The following CFAP47 variants were observed in gnomAD, a reference collection of about 807,000 sequenced individuals.
CFAP47 encodes cilia and flagella associated protein 47, also known as cilia- and flagella-associated protein 47.
A neutral mutation model predicts 148.1 loss-of-function variants in CFAP47; 29 were observed. That is an observed-to-expected ratio of 0.20 (90% CI 0.15 to 0.27). CFAP47 has a LOEUF of 0.27. CFAP47 is among the 10% of genes least tolerant of loss of function. The probability of loss-of-function intolerance (pLI) is 1.00; values close to 1 mark genes in which losing one functional copy is unlikely to be tolerated. For synonymous variants in CFAP47, 664 were observed against 577.3 expected (o/e 1.15, Z -2.15); for missense variants, 1,872 against 1,697.5 (o/e 1.10, Z -1.81).
chrX:36,085,562 T>C, intron 30 of CFAP47, 24 bp downstream of exon 30: 1 of 986,469 alleles, frequency 1.0e-6, no homozygotes. Context: ...TGTGCTCATA[T>C]AAGCATATAA....
At chrX:36,049,164 G>T (rs1017537105) in intron 26 of CFAP47, among the ~76,000 whole-genome samples, 56 of 109,442 alleles carry the variant, frequency 5.1e-4, no homozygotes, top group African/African-American at 1.6e-3. Context: ...GAGAAGTGGG[G>T]TTTTTTTTCT....
chrX:36,270,120 C>T (rs1010480541), intron 49 of CFAP47, among the ~76,000 whole-genome samples: 1 of 111,515 alleles, frequency 9.0e-6, no homozygotes, highest in Non-Finnish European at 1.9e-5. Context: ...CTGCTATGAA[C>T]ATTCAAGTAT....
At chrX:36,121,099 T>C (rs1371315678) in intron 33 of CFAP47, among the ~76,000 whole-genome samples, 1 of 111,807 alleles carries the variant, frequency 8.9e-6, no homozygotes, top group Non-Finnish European at 1.9e-5. Context: ...ATTGACCAAT[T>C]TATCATTATA....
chrX:35,932,909 C>CTT (rs1935853100), intron 2 of CFAP47, among the ~76,000 whole-genome samples: 1 of 111,432 alleles, frequency 9.0e-6, no homozygotes, highest in Non-Finnish European at 1.9e-5. Flanking sequence ...CAGGTGTGAG[C>CTT]TGCCATGCCT....
At chrX:36,269,487 G>A (rs1230980292) in intron 49 of CFAP47, among the ~76,000 whole-genome samples, 1 of 112,006 alleles carries the variant, frequency 8.9e-6, no homozygotes, top group African/African-American at 3.2e-5. Flanking sequence ...ACATTGCTTC[G>A]TGTTGGAAAG....
intron 48 of CFAP47, among the ~76,000 whole-genome samples, chrX:36,242,494 C>A (rs1940558304): frequency 8.9e-6 from 1 of 111,992 alleles, no homozygotes; most frequent in Admixed American, 9.5e-5. Flanking sequence ...CCAAACTGAA[C>A]GTCTGGAACT....
At chrX:35,971,282 G>C (rs1199676699) in intron 11 of CFAP47, among the ~76,000 whole-genome samples, 1 of 111,964 alleles carries the variant, frequency 8.9e-6, no homozygotes. Flanking sequence ...AGGGTCTCTT[G>C]AGACTAAATT....
chrX:35,975,957 T>C (rs1936565060), intron 15 of CFAP47, 44 bp downstream of exon 15: 1 of 1,135,417 alleles, frequency 8.8e-7, no homozygotes, highest in African/African-American at 1.8e-5. Flanking sequence ...TATTTTTTCA[T>C]GTATTCATGT....
At chrX:36,230,143 G>A (rs1940326467) in intron 46 of CFAP47, among the ~76,000 whole-genome samples, 1 of 99,860 alleles carries the variant, frequency 1.0e-5, no homozygotes, top group Non-Finnish European at 2.0e-5. Context: ...GGATGGCTGG[G>A]TCAAATGGTA....
Position 35,941,288 on chromosome X carries a change from T to G in CFAP47, c.407T>G (p.Ile136Ser). 8.8e-7 allele frequency: 1 copy of G among 1,137,267 alleles called. No individual in the cohort carries two copies. Among genetic ancestry groups the G allele is most frequent in the Non-Finnish European group, 1.2e-6 (1 of 842,488 alleles). 93.7% of individuals were successfully genotyped at this position (1,137,267 alleles called of 1,213,427 possible). The change falls in exon 3 of 64, where the codon ATT (isoleucine) becomes AGT (serine). Residue 136 changes from isoleucine (I) to serine (S), a missense_variant. Physicochemically the swap from Ile to Ser is moderately radical, Grantham distance 142. Coordinates refer to ENST00000378653, the MANE Select transcript of CFAP47 (RefSeq NM_001304548.2). ...KTTEIPLIGL[I>S]PSCQLEIESV... is the part of the protein sequence containing the mutation. ...CCTTCTTTTCTCCTCCCTAGGTTGA[T>G]TCCATCCTGTCAATTGGAAATTGAA...
rs1215525961 is a variant in CFAP47 at position 36,138,464 on chromosome X, G to A, written c.5535G>A (p.Gln1845=). ...LYEIDFDVEI[Q]ATDICDPNPI... The stretch of plus-strand genomic sequence containing the variant: ...AAATTGACTTTGACGTGGAAATACA[G>A]GTGGGTGCCTTTATATTAAACATTC... The change falls in exon 35 of 64, where the codon CAG becomes CAA. Residue 1845 remains glutamine (Q), a splice_region_variant and synonymous_variant. Transcript: ENST00000378653. The A allele has an allele frequency of 4.4e-6, 5 of 1,141,659 alleles. No individual in the cohort carries two copies. Among genetic ancestry groups the A allele is most frequent in the Non-Finnish European group, 5.8e-6 (5 of 867,913 alleles). The allele number at this position is 1,141,659 out of a possible 1,213,427, so 94.1% of individuals were successfully genotyped here.
intron 48 of CFAP47, among the ~76,000 whole-genome samples, chrX:36,243,622 A>G (rs1194013142): frequency 2.1e-5 from 2 of 93,922 alleles, no homozygotes; most frequent in Non-Finnish European, 4.2e-5. Flanking sequence ...CAAGTCAACA[A>G]AAAACTTAAC....
intron 31 of CFAP47, 61 bp from the exon 32 acceptor site, chrX:36,099,690 A>G (rs1463921332): frequency 3.8e-6 from 2 of 520,036 alleles, no homozygotes; most frequent in Admixed American, 6.7e-5. Flanking sequence ...TGAAAAAAAA[A>G]ACTCATATGC....
At chrX:36,144,625 T>C (rs377050911) in intron 35 of CFAP47, 2 of 1,027,989 alleles carry the variant, frequency 1.9e-6, no homozygotes, top group Non-Finnish European at 2.6e-6. Context: ...AAGGAAGATA[T>C]GCCCTCAGTG....
intron 1 of CFAP47, among the ~76,000 whole-genome samples, chrX:35,924,207 G>A: frequency 9.6e-6 from 1 of 104,507 alleles, no homozygotes; most frequent in African/African-American, 3.7e-5. Context: ...ATATGGACAT[G>A]TATGTGTGCA....
At chrX:36,225,619 G>A (rs1555991396) in intron 45 of CFAP47, among the ~76,000 whole-genome samples, 1 of 111,719 alleles carries the variant, frequency 9.0e-6, no homozygotes, top group African/African-American at 3.3e-5. Flanking sequence ...TGAAAGCACT[G>A]TAAACAGGAT....
chrX:35,971,009 A>G (rs560023283), intron 11 of CFAP47, 86 bp downstream of exon 11: 1 of 718,304 alleles, frequency 1.4e-6, no homozygotes, highest in South Asian at 2.9e-5. Context: ...GTTTCTTTTT[A>G]TTTTAGATGT....
chrX:36,078,779 CT>C (rs1157194895), intron 29 of CFAP47, among the ~76,000 whole-genome samples: 3 of 110,600 alleles, frequency 2.7e-5, no homozygotes, highest in African/African-American at 9.9e-5. Flanking sequence ...CAATGATGGT[CT>C]TTACAATTTG....
In CFAP47 at chrX:36,138,032, T is replaced by C. The variant is rs1334518840; in HGVS notation, c.5395T>C (p.Leu1799=). The change falls in exon 34 of 64, where the codon TTG becomes CTG. Residue 1799 remains leucine, a synonymous_variant. Transcript: ENST00000378653. ...AGATGGTCTTGTTTTTGCAACACAG[T>C]TGGGAGCCTATTGCCCATTCTTGGT... ...LSDGLVFATQ[L]GAYCPFLIES... 4 of 919,306 alleles carry C rather than the reference T, an allele frequency of 4.4e-6. No individual in the cohort carries two copies. Among genetic ancestry groups the C allele is most frequent in the Non-Finnish European group, 6.3e-6 (4 of 637,096 alleles). The allele number at this position is 919,306 out of a possible 1,213,427, so 75.8% of individuals were successfully genotyped here. A position where few individuals can be genotyped will look rare whatever the true frequency, so the allele number is the denominator to read the frequency against.
Sources: gnomAD v4.1 joint callset for allele counts (sites outside exome capture counted in the v4.1 genomes callset) on GRCh38, gnomAD v4.1.1 for gene constraint, MANE v1.5 for transcripts, NCBI Gene and HGNC (gene_info 2026-07-23, HGNC 2026-07-21) for gene names.